DOCK9: variants seen among roughly 807,000 people sequenced by gnomAD.
The protein encoded by DOCK9 is dedicator of cytokinesis protein 9.
In DOCK9, 89 loss-of-function variants were observed where a neutral mutation model predicts 263.3. The ratio of observed to expected loss-of-function variants is 0.34; its 90% CI spans 0.28 to 0.40. The LOEUF is 0.40. Among genes scored for constraint, DOCK9 ranks in the 10% least tolerant of loss-of-function variants. DOCK9 has a pLI of 1.00. For synonymous variants in DOCK9, 976 were observed against 973.1 expected (o/e 1.00, Z -0.06); for missense variants, 2,140 against 2,603.4 (o/e 0.82, Z 3.87).
intron 49 of DOCK9, among the ~76,000 whole-genome samples, chr13:98,803,518 G>A (rs542726974): frequency 3.3e-5 from 5 of 152,178 alleles, no homozygotes; most frequent in African/African-American, 4.8e-5. Context: ...TTCGGAGGTG[G>A]GGACCTGGAA....
At chr13:98,809,593 G>A in intron 46 of DOCK9, 128 bp from the exon 47 acceptor site, 1 of 746,318 alleles carries the variant, frequency 1.3e-6, no homozygotes. Flanking sequence ...ACACATTTTG[G>A]CTGCACAACT....
intron 1 of DOCK9, among the ~76,000 whole-genome samples, chr13:99,073,329 TCTC>T (rs1204216861): frequency 6.6e-6 from 1 of 151,294 alleles, no homozygotes; most frequent in Non-Finnish European, 1.5e-5. Flanking sequence ...CTCTCTTCTC[TCTC>T]TTCTTTCTCT....
intron 23 of DOCK9, 103 bp downstream of exon 23, chr13:98,882,939 G>C (rs912736395): frequency 1.1e-5 from 10 of 910,050 alleles, no homozygotes; most frequent in Non-Finnish European, 1.5e-5. Context: ...GAGACATCCA[G>C]GTAAGAGCTT....
intron 13 of DOCK9, among the ~76,000 whole-genome samples, chr13:98,901,154 G>A (rs1471318317): frequency 1.3e-5 from 2 of 152,200 alleles, no homozygotes; most frequent in African/African-American, 4.8e-5. Context: ...GAGCCTCAGT[G>A]TCCTGAAATA....
At position 98,831,766 on chromosome 13, in the gene DOCK9, A is replaced by G; in HGVS notation, c.4335T>C (p.His1445=). The change falls in exon 40 of 53, where the codon CAT becomes CAC. Residue 1445 remains histidine, a synonymous_variant. Transcript: ENST00000682017. ...LAFKNQLLAD[H]GHNPLMKKVF... ...CTTTTTTCATGAGAGGATTATGTCC[A>G]TGGTCGGCCAGGAGCTGGTTCTTAA... 1.2e-6 allele frequency: 2 copies of G among 1,614,032 alleles called. No individual in the cohort carries two copies. Among genetic ancestry groups the G allele is most frequent in the Non-Finnish European group, 1.7e-6 (2 of 1,179,872 alleles).
At chr13:98,996,956 G>A (rs1455973334) in intron 1 of DOCK9, among the ~76,000 whole-genome samples, 2 of 152,134 alleles carry the variant, frequency 1.3e-5, no homozygotes, top group African/African-American at 4.8e-5. Context: ...AAGTCCAATC[G>A]GTACTCATTC....
chr13:98,874,514 G>C (rs1309544779), intron 27 of DOCK9, among the ~76,000 whole-genome samples: 1 of 152,120 alleles, frequency 6.6e-6, no homozygotes, highest in African/African-American at 2.4e-5. Context: ...TCTAGACGTG[G>C]AACTGCAGGG....
chr13:98,829,288 C>G lies in DOCK9; in HGVS notation c.4965+19G>C. ...TGGTTTTTTCAAAAACCCATTCAAG[C>G]GGCTGGCAGGGCTACTACCTCTGAG... On this transcript the variant is annotated intron_variant, in intron 43 of 52. Transcript: ENST00000682017. This position sits in a 1 kb window ranked among gnomAD's most constrained non-coding sequence, Gnocchi z 4.1. The G allele has an allele frequency of 6.3e-7, 1 of 1,597,704 alleles. No homozygotes were observed. The highest frequency in any genetic ancestry group is 8.5e-7 in the Non-Finnish European group (1 of 1,170,868).
chr13:98,830,583 T>C (rs1447788189), intron 41 of DOCK9, among the ~76,000 whole-genome samples: 1 of 152,226 alleles, frequency 6.6e-6, no homozygotes, highest in Non-Finnish European at 1.5e-5. Context: ...TGCTTCCCCG[T>C]AGTTCACTGT....
intron 13 of DOCK9, 105 bp downstream of exon 13, chr13:98,901,673 T>C: frequency 1.5e-6 from 2 of 1,290,610 alleles, no homozygotes; most frequent in Middle Eastern, 1.9e-4. Context: ...TCTTTTAGAG[T>C]ATAAATATGG....
chr13:99,032,689 T>C (rs1016788368), intron 1 of DOCK9, among the ~76,000 whole-genome samples: 1 of 152,158 alleles, frequency 6.6e-6, no homozygotes, highest in Admixed American at 6.5e-5. Flanking sequence ...TTAATTTATA[T>C]GACAAATTAA....
At chr13:98,924,051 G>A (rs2052519355) in intron 4 of DOCK9, among the ~76,000 whole-genome samples, 1 of 152,190 alleles carries the variant, frequency 6.6e-6, no homozygotes, top group African/African-American at 2.4e-5. Flanking sequence ...CTATTAGATA[G>A]TAAGTATACG....
At chr13:98,818,141 G>C (rs1201560728) in intron 45 of DOCK9, among the ~76,000 whole-genome samples, 1 of 152,194 alleles carries the variant, frequency 6.6e-6, no homozygotes, top group Non-Finnish European at 1.5e-5. Flanking sequence ...TCTCACATAA[G>C]TAGAGTGTGG....
intron 1 of DOCK9, among the ~76,000 whole-genome samples, chr13:99,062,911 C>T (rs2041255249): frequency 1.3e-5 from 2 of 152,158 alleles, no homozygotes; most frequent in African/African-American, 4.8e-5. Flanking sequence ...GCTGCCAGCC[C>T]AGGGTCCCCG....
intron 2 of DOCK9, among the ~76,000 whole-genome samples, chr13:98,940,777 A>G (rs2055699753): frequency 6.6e-6 from 1 of 151,972 alleles, no homozygotes; most frequent in Non-Finnish European, 1.5e-5. Context: ...ACTCTGCCTG[A>G]TGTCAAAGTA....
chr13:99,009,626 T>C (rs970441135), intron 1 of DOCK9, among the ~76,000 whole-genome samples: 42 of 152,042 alleles, frequency 2.8e-4, no homozygotes, highest in Admixed American at 2.1e-3. Context: ...ACCTTGTCAC[T>C]GATTATTCAC....
chr13:99,059,293 G>A (rs901511018), intron 1 of DOCK9, among the ~76,000 whole-genome samples: 2 of 152,138 alleles, frequency 1.3e-5, no homozygotes, highest in African/African-American at 4.8e-5. Flanking sequence ...CTGTTCCAGG[G>A]ACATCTCCAC....
intron 1 of DOCK9, among the ~76,000 whole-genome samples, chr13:99,065,168 A>T (rs2041362025): frequency 6.6e-6 from 1 of 152,164 alleles, no homozygotes; most frequent in Non-Finnish European, 1.5e-5. Flanking sequence ...AGGAAGGAGG[A>T]TTATTAATCA....
intron 1 of DOCK9, among the ~76,000 whole-genome samples, chr13:99,059,894 A>T (rs1301425733): frequency 6.6e-6 from 1 of 152,066 alleles, no homozygotes; most frequent in Non-Finnish European, 1.5e-5. Context: ...TATAAATGGA[A>T]TGCAACAATA....
Sources: gnomAD v4.1 joint callset for allele counts (sites outside exome capture counted in the v4.1 genomes callset) on GRCh38, gnomAD v4.1.1 for gene constraint, Gnocchi (gnomAD v3.1) non-coding constraint, MANE v1.5 for transcripts, NCBI Gene and HGNC (gene_info 2026-07-23, HGNC 2026-07-21) for gene names.